Variants in SSBP2 observed in about 807,000 individuals in gnomAD.
The protein encoded by SSBP2 is single stranded DNA binding protein 2.
SSBP2 carries 17 observed loss-of-function variants against 61.8 expected under a neutral mutation model. That is an observed-to-expected ratio of 0.28 (90% confidence interval 0.19 to 0.41). SSBP2 has a LOEUF of 0.41. SSBP2 is among the 10% of genes least tolerant of loss of function. SSBP2 has a pLI of 1.00. For synonymous variants in SSBP2, 139 were observed against 141.3 expected (o/e 0.98, Z 0.12); for missense variants, 310 against 458.7 (o/e 0.68, Z 2.96).
chr5:81,693,401 T>A (rs1254483257), intron 1 of SSBP2, among the ~76,000 whole-genome samples: 1 of 152,084 alleles, frequency 6.6e-6, no homozygotes, highest in African/African-American at 2.4e-5. Flanking sequence ...ATCCGCAGAA[T>A]GGGAGAAAAT....
intron 5 of SSBP2, 65 bp downstream of exon 5, chr5:81,513,563 T>C: frequency 1.0e-6 from 1 of 989,014 alleles, no homozygotes; most frequent in South Asian, 1.4e-5. Context: ...TTCCTTCGTA[T>C]CTTTAATAAA....
At chr5:81,644,749 T>C (rs1363993736) in intron 2 of SSBP2, among the ~76,000 whole-genome samples, 1 of 152,160 alleles carries the variant, frequency 6.6e-6, no homozygotes, top group Non-Finnish European at 1.5e-5. Context: ...AGTGGGGCTA[T>C]AATCACTCAA....
intron 4 of SSBP2, among the ~76,000 whole-genome samples, chr5:81,613,764 G>C (rs1401074249): frequency 6.6e-6 from 1 of 152,136 alleles, no homozygotes; most frequent in East Asian, 1.9e-4. Flanking sequence ...CTTAGTATAA[G>C]GAAAAGATGA....
At chr5:81,544,248 C>G (rs189854655) in intron 4 of SSBP2, among the ~76,000 whole-genome samples, 11 of 152,220 alleles carry the variant, frequency 7.2e-5, no homozygotes, top group African/African-American at 2.4e-4. Flanking sequence ...GGGGTTTCAC[C>G]ATCTTGGCCA....
At chr5:81,601,717 C>T (rs1373978776) in intron 4 of SSBP2, among the ~76,000 whole-genome samples, 1 of 152,166 alleles carries the variant, frequency 6.6e-6, no homozygotes, top group East Asian at 1.9e-4. Flanking sequence ...TCACCCCCGT[C>T]CCCATAATCA....
At chr5:81,517,015 T>A (rs1467212667) in intron 4 of SSBP2, among the ~76,000 whole-genome samples, 1 of 152,236 alleles carries the variant, frequency 6.6e-6, no homozygotes, top group East Asian at 1.9e-4. Flanking sequence ...AGCAAATAGT[T>A]TAATTACAGT....
At chr5:81,741,562 T>G (rs1027110824) in intron 1 of SSBP2, among the ~76,000 whole-genome samples, 1 of 152,194 alleles carries the variant, frequency 6.6e-6, no homozygotes, top group Non-Finnish European at 1.5e-5. Flanking sequence ...AGACTTTTCC[T>G]CCCTTGTTAG....
chr5:81,436,666 A>G (rs554658388), intron 15 of SSBP2, among the ~76,000 whole-genome samples: 1 of 152,182 alleles, frequency 6.6e-6, no homozygotes, highest in Non-Finnish European at 1.5e-5. Flanking sequence ...ATTTATTGAT[A>G]TAGAGCAGAC....
chr5:81,568,976 ACC>A (rs1773644967), intron 4 of SSBP2, among the ~76,000 whole-genome samples: 1 of 152,076 alleles, frequency 6.6e-6, no homozygotes. Flanking sequence ...TTGAGTGGAG[ACC>A]TTTCAACGTC....
chr5:81,693,380 TAA>T (rs1171373736), intron 1 of SSBP2, among the ~76,000 whole-genome samples: 1 of 151,940 alleles, frequency 6.6e-6, no homozygotes, highest in African/African-American at 2.4e-5. Context: ...TGAACAAAGT[TAA>T]AAGAGACAAT....
chr5:81,438,904 C>T (rs62366211), intron 14 of SSBP2, among the ~76,000 whole-genome samples: 1,732 of 152,274 alleles, frequency 0.011, 16 homozygotes, highest in Non-Finnish European at 0.018. Flanking sequence ...CTACAAGTGG[C>T]TGCTGTGTAC....
chr5:81,661,456 T>C (rs1581276663), intron 1 of SSBP2, among the ~76,000 whole-genome samples: 1 of 152,156 alleles, frequency 6.6e-6, no homozygotes, highest in Admixed American at 6.6e-5. Context: ...TACTAATTTA[T>C]ATTCCCACCA....
chr5:81,527,833 C>A (rs1369880045), intron 4 of SSBP2, among the ~76,000 whole-genome samples: 1 of 150,630 alleles, frequency 6.6e-6, no homozygotes, highest in East Asian at 2.0e-4. Flanking sequence ...CAGCAAACCA[C>A]CATGGCACAT....
intron 5 of SSBP2, 35 bp downstream of exon 5, chr5:81,513,593 G>A: frequency 7.8e-7 from 1 of 1,286,574 alleles, no homozygotes; most frequent in Non-Finnish European, 1.1e-6. Context: ...GAGTTCCTAT[G>A]CTTTAACATT....
intron 1 of SSBP2, among the ~76,000 whole-genome samples, chr5:81,676,313 G>A (rs1320424647): frequency 6.6e-6 from 1 of 151,982 alleles, no homozygotes; most frequent in African/African-American, 2.4e-5. Flanking sequence ...TCCTATTCCT[G>A]CTCCTTTCCA....
rs543377012 is a variant in SSBP2 at position 81,415,214 on chromosome 5, C to A, written c.*5290G>T. On this transcript the variant is annotated 3_prime_UTR_variant, in exon 17 of 17. Coordinates refer to ENST00000320672, the MANE Select transcript of SSBP2 (RefSeq NM_012446.5). ...ACCTTGTCCCCCATACTGGATTACT[C>A]CCTCCCATACTATACATTCACTGGC... 2.0e-5 allele frequency: 3 copies of A among 152,268 alleles called. No homozygotes were observed. Among genetic ancestry groups the A allele is most frequent in the African/African-American group, 7.2e-5 (3 of 41,556 alleles). 9.4% of individuals were successfully genotyped at this position (152,268 alleles called of 1,614,324 possible). A position where few individuals can be genotyped will look rare whatever the true frequency, so the allele number is the denominator to read the frequency against.
intron 4 of SSBP2, among the ~76,000 whole-genome samples, chr5:81,611,563 A>C (rs1018050202): frequency 3.9e-5 from 6 of 152,136 alleles, no homozygotes; most frequent in Admixed American, 2.6e-4. Context: ...TTTTTGAAAG[A>C]ATATCATGTT....
At chr5:81,552,732 G>T (rs1772302185) in intron 4 of SSBP2, among the ~76,000 whole-genome samples, 1 of 151,642 alleles carries the variant, frequency 6.6e-6, no homozygotes, top group Non-Finnish European at 1.5e-5. Flanking sequence ...ATGTGAAGAG[G>T]AATTGGTAGA....
At chr5:81,466,255 C>T (rs935966576) in intron 9 of SSBP2, among the ~76,000 whole-genome samples, 1 of 151,890 alleles carries the variant, frequency 6.6e-6, no homozygotes, top group Non-Finnish European at 1.5e-5. Flanking sequence ...ACTTGGAGGG[C>T]AAGCTGGATA....
Sources: gnomAD v4.1 joint callset for allele counts (sites outside exome capture counted in the v4.1 genomes callset) on GRCh38, gnomAD v4.1.1 for gene constraint, MANE v1.5 for transcripts, NCBI Gene and HGNC (gene_info 2026-07-23, HGNC 2026-07-21) for gene names.